The following CATSPERD variants were observed in gnomAD, a reference collection of about 807,000 sequenced individuals.
CATSPERD encodes catsper channel auxiliary subunit delta, also known as cation channel sperm-associated auxiliary subunit delta.
Under a neutral mutation model 98.1 loss-of-function variants are expected in CATSPERD, and 86 were observed. The observed-to-expected ratio is 0.88, with a 90% CI of 0.74 to 1.05. The LOEUF (loss-of-function observed/expected upper bound fraction) is 1.05, where lower values mean the gene tolerates loss of function less well. Among genes scored for constraint, CATSPERD ranks in the 50% least tolerant of loss-of-function variants. CATSPERD has a pLI of 0.00. For synonymous variants in CATSPERD, 394 were observed against 390.2 expected (o/e 1.01, Z -0.12); for missense variants, 995 against 1,005.7 (o/e 0.99, Z 0.14).
chr19:5,771,067 G>A lies in CATSPERD; in HGVS notation c.1758G>A (p.Val586=), dbSNP rs776227637. ...VYYDTLWKPV[V]ELWRKDSFQE... ...ATGACACCCTATGGAAGCCCGTGGT[G>A]GAGCTGTAAGACCCCAGGGGGGTGC... is the stretch of plus-strand genomic sequence containing the variant. Residue 586 remains valine, a synonymous_variant, in exon 19 of 22, where the codon GTG becomes GTA. Coordinates refer to ENST00000381624, the MANE Select transcript of CATSPERD (RefSeq NM_152784.4). 1 of 1,613,204 alleles carries A rather than the reference G, an allele frequency of 6.2e-7. No homozygotes were observed. The highest frequency in any genetic ancestry group is 8.5e-7 in the Non-Finnish European group (1 of 1,179,588).
Position 5,751,822 on chromosome 19 carries a change from A to G in CATSPERD, c.1163A>G (p.Lys388Arg). The change falls in exon 12 of 22, where the codon AAG becomes AGG. Residue 388 changes from lysine (K) to arginine (R), a missense_variant and splice_region_variant. Lys to Arg is a conservative substitution (Grantham distance 26, BLOSUM62 2). This residue lies in a region of CATSPERD where 762 missense variants were observed against 773.7 expected (regional missense o/e 0.98). Transcript: ENST00000381624. ...CCTGAACTCCACGTTGGAAAGTGCA[A>G]GGTATGTGATCCTAACTGTTTTGAT... is the stretch of plus-strand genomic sequence containing the variant. ...MDPELHVGKCKIEFLTGEFIY... is the reference protein window; with the variant it reads ...MDPELHVGKCRIEFLTGEFIY... 6.2e-7 allele frequency: 1 copy of G among 1,610,096 alleles called. No homozygotes were observed. Among genetic ancestry groups the G allele is most frequent in the Non-Finnish European group, 8.5e-7 (1 of 1,177,916 alleles).
intron 4 of CATSPERD, among the ~76,000 whole-genome samples, chr19:5,731,914 T>C (rs1364854808): frequency 1.3e-5 from 2 of 151,968 alleles, no homozygotes; most frequent in East Asian, 3.9e-4. Context: ...ATTTATACTT[T>C]AGGCTTTGTC....
Position 5,744,527 on chromosome 19 carries a change from G to A in CATSPERD, c.657+17G>A. The A allele has an allele frequency of 6.3e-7, 1 of 1,594,168 alleles. No individual in the cohort carries two copies. Among genetic ancestry groups the A allele is most frequent in the African/African-American group, 1.3e-5 (1 of 74,340 alleles). ...CAAGGGAAGGTAAGTAACTGCAGAG[G>A]GAAGAACTACTCAGAGGACCTTTGC... On this transcript the variant is annotated intron_variant, in intron 8 of 21. Transcript: ENST00000381624.
chr19:5,772,474 G>A lies in CATSPERD; in HGVS notation c.1764-314G>A, dbSNP rs534398539. 141 of 289,418 alleles carry A rather than the reference G, an allele frequency of 4.9e-4. 1 individual carries two copies. Among genetic ancestry groups the A allele is most frequent in the African/African-American group, 3.0e-3 (135 of 44,454 alleles). 17.9% of individuals were successfully genotyped at this position (289,418 alleles called of 1,614,324 possible). A position where few individuals can be genotyped will look rare whatever the true frequency, so the allele number is the denominator to read the frequency against. On this transcript the variant is annotated intron_variant, in intron 19 of 21. Transcript: ENST00000381624. The stretch of plus-strand genomic sequence containing the variant: ...GATCTCCTGACCTCGTGATCCTCCC[G>A]CTTCAGCCTCCCAAAGTGCTGAGAT...
intron 5 of CATSPERD, among the ~76,000 whole-genome samples, chr19:5,735,477 ATTT>A (rs533041006): frequency 4.3e-5 from 6 of 140,438 alleles, no homozygotes; most frequent in Admixed American, 7.2e-5. Context: ...CGCCCAGCTA[ATTT>A]TTTTTTTTTT....
chr19:5,751,113 G>A (rs965108693), intron 11 of CATSPERD, among the ~76,000 whole-genome samples: 4 of 144,826 alleles, frequency 2.8e-5, no homozygotes, highest in Admixed American at 7.3e-5. Flanking sequence ...CAGGAGAATC[G>A]CTTGAACCCG....
chr19:5,772,835 T>C lies in CATSPERD; in HGVS notation c.1811T>C (p.Leu604Ser), dbSNP rs749054277. The change falls in exon 20 of 22, where the codon TTA (leucine) becomes TCA (serine). Residue 604 changes from leucine to serine, a missense_variant. Transcript: ENST00000381624. Reference protein sequence around the residue: ...FQEVIDAEYVLLEVNGQFSYS... With the variant: ...FQEVIDAEYVSLEVNGQFSYS... Reference sequence around the variant, plus strand: ...GAGGTCATCGACGCCGAGTATGTGTTACTGGAGGTGAACGGGCAGTTCTCA... The same window carrying C: ...GAGGTCATCGACGCCGAGTATGTGTCACTGGAGGTGAACGGGCAGTTCTCA... The C allele has an allele frequency of 6.2e-7, 1 of 1,614,024 alleles. No individual in the cohort carries two copies. Among genetic ancestry groups the C allele is most frequent in the African/African-American group, 1.3e-5 (1 of 75,012 alleles).
chr19:5,739,243 T>C, intron 6 of CATSPERD, 83 bp from the exon 7 acceptor site: 1 of 816,564 alleles, frequency 1.2e-6, no homozygotes, highest in Admixed American at 2.3e-5. Flanking sequence ...CAGTCATGAG[T>C]TTTCATTTCT....
chr19:5,758,462 T>C (rs1390818673), intron 14 of CATSPERD, among the ~76,000 whole-genome samples: 3 of 151,386 alleles, frequency 2.0e-5, no homozygotes, highest in Non-Finnish European at 2.9e-5. Context: ...GCGCAGTGGC[T>C]CACGCCTGGA....
Position 5,733,953 on chromosome 19 carries a change from C to A in CATSPERD, c.374C>A (p.Ser125Tyr), listed in dbSNP as rs370820146. The change falls in exon 5 of 22, where the codon TCT becomes TAT. Residue 125 changes from serine to tyrosine, a missense_variant. Ser to Tyr is a moderately radical substitution (Grantham distance 144). This residue lies in a region of CATSPERD where 228 missense variants were observed against 209.6 expected (regional missense o/e 1.09). Coordinates refer to ENST00000381624, the MANE Select transcript of CATSPERD (RefSeq NM_152784.4). ...KVYIYDYENN[S>Y]WSMSLGIKHP... ...TATATTTATGATTATGAAAATAATT[C>A]TTGGAGCATGTCTTTAGGTATGTAC... The A allele has an allele frequency of 7.5e-6, 12 of 1,598,810 alleles. No individual in the cohort carries two copies. Among genetic ancestry groups the A allele is most frequent in the Middle Eastern group, 1.7e-4 (1 of 5,788 alleles).
intron 13 of CATSPERD, among the ~76,000 whole-genome samples, 155 bp downstream of exon 13, chr19:5,754,400 T>TTC (rs1344736270): frequency 1.4e-5 from 2 of 144,592 alleles, no homozygotes; most frequent in Admixed American, 1.4e-4. Flanking sequence ...TGTCTTTTTT[T>TTC]TTTTTTTTTT....
intron 7 of CATSPERD, among the ~76,000 whole-genome samples, chr19:5,743,436 A>G (rs1429559847): frequency 1.3e-5 from 2 of 151,340 alleles, no homozygotes; most frequent in Non-Finnish European, 3.0e-5. Flanking sequence ...CGTTTCTACT[A>G]AAAAAACAGA....
rs184450580 is a variant in CATSPERD, at chr19:5,744,579, G to A, written c.657+69G>A. ...CAAGCCCAGGTTTTTGTTACAACTCGCACATTTTTAAACATTTATTTATTT... is the reference window on the plus strand; with the variant it reads ...CAAGCCCAGGTTTTTGTTACAACTCACACATTTTTAAACATTTATTTATTT... On this transcript the variant is annotated intron_variant, in intron 8 of 21. Coordinates refer to ENST00000381624, the MANE Select transcript of CATSPERD (RefSeq NM_152784.4). 549 of 1,064,608 alleles carry A rather than the reference G, an allele frequency of 5.2e-4. 1 individual carries two copies. The African/African-American group carries it at 5.8e-3, about 11-fold the overall frequency. 65.9% of individuals were successfully genotyped at this position (1,064,608 alleles called of 1,614,324 possible). A position where few individuals can be genotyped will look rare whatever the true frequency, so the allele number is the denominator to read the frequency against.
rs552509253 is a variant in CATSPERD, at chr19:5,771,052, A to C, written c.1743A>C (p.Leu581=). ...CTCTCCTCGTCTACTATGACACCCTATGGAAGCCCGTGGTGGAGCTGTAAG... is the reference window on the plus strand; with the variant it reads ...CTCTCCTCGTCTACTATGACACCCTCTGGAAGCCCGTGGTGGAGCTGTAAG... ...GCPLLVYYDT[L]WKPVVELWRK... is the part of the protein sequence containing the mutation. The change falls in exon 19 of 22, where the codon CTA becomes CTC. Residue 581 remains leucine, a synonymous_variant. Transcript: ENST00000381624. The C allele has an allele frequency of 1.5e-5, 25 of 1,613,716 alleles. No homozygotes were observed. In the South Asian group the frequency reaches 2.3e-4, roughly 15 times the overall value.
chr19:5,721,263 A>G (rs534523202), intron 1 of CATSPERD, among the ~76,000 whole-genome samples: 13 of 152,084 alleles, frequency 8.5e-5, no homozygotes, highest in African/African-American at 2.9e-4. Flanking sequence ...CGGCCTCCCA[A>G]AGTGCTGGGA....
At chr19:5,750,613 T>C (rs981216817) in intron 11 of CATSPERD, among the ~76,000 whole-genome samples, 3 of 150,714 alleles carry the variant, frequency 2.0e-5, no homozygotes, top group South Asian at 2.1e-4. Context: ...TGGTGGTGCA[T>C]GCCTGTAATC....
At position 5,759,145 on chromosome 19, in the gene CATSPERD, G is replaced by A; in HGVS notation, c.1427+1G>A. The A allele has an allele frequency of 6.2e-7, 1 of 1,613,832 alleles. No individual in the cohort carries two copies. Among genetic ancestry groups the A allele is most frequent in the Middle Eastern group, 1.7e-4 (1 of 6,060 alleles). ...GGACCGACTCCAACTTCACTTCCAG[G>A]TATGTTGTCTCCTGGGAGAGGCGGG... is the stretch of plus-strand genomic sequence containing the variant. On this transcript the variant is annotated splice_donor_variant, in intron 15 of 21. Transcript: ENST00000381624. LOFTEE classifies it high-confidence loss of function.
intron 7 of CATSPERD, among the ~76,000 whole-genome samples, chr19:5,741,758 A>T: frequency 1.0e-5 from 1 of 98,934 alleles, no homozygotes; most frequent in Admixed American, 1.2e-4. Context: ...CTCAGCCTGT[A>T]ATCCCAGCAC....
chr19:5,744,879 G>A (rs193112670), intron 8 of CATSPERD, among the ~76,000 whole-genome samples: 304 of 152,104 alleles, frequency 2.0e-3, no homozygotes, highest in Middle Eastern at 3.4e-3. Context: ...GGGATTACAG[G>A]TGTAAGCCAC....
Sources: gnomAD v4.1 joint callset for allele counts (sites outside exome capture counted in the v4.1 genomes callset) on GRCh38, gnomAD v4.1.1 for gene constraint, gnomAD v4.1.1 regional missense constraint, MANE v1.5 for transcripts, NCBI Gene and HGNC (gene_info 2026-07-23, HGNC 2026-07-21) for gene names.